ASL: variants seen among roughly 807,000 people sequenced by gnomAD.
The protein encoded by ASL is argininosuccinate lyase.
ASL carries 51 observed loss-of-function variants against 69.1 expected under a neutral mutation model. That is an observed-to-expected ratio of 0.74 (90% CI 0.59 to 0.93). ASL has a LOEUF of 0.93. ASL is among the 40% of genes least tolerant of loss of function. ASL has a pLI of 0.00. For missense variants in ASL, 540 were observed against 623.9 expected, an observed-to-expected ratio of 0.87 and a Z score of 1.43; for synonymous variants, 241 against 247.6, an observed-to-expected ratio of 0.97 and a Z score of 0.25.
At chr7:66,088,468 C>T (rs528456582) in intron 10 of ASL, among the ~76,000 whole-genome samples, 7 of 152,102 alleles carry the variant, frequency 4.6e-5, no homozygotes, top group Middle Eastern at 3.4e-3. Context: ...GCATTGGGAG[C>T]GAGACTCCAT....
chr7:66,084,930 A>G (rs1373764283), intron 6 of ASL, among the ~76,000 whole-genome samples: 1 of 151,910 alleles, frequency 6.6e-6, no homozygotes, highest in African/African-American at 2.4e-5. Flanking sequence ...CGAATTCTTT[A>G]AATTTTTTGT....
intron 14 of ASL, among the ~76,000 whole-genome samples, chr7:66,090,143 C>G (rs988678612): frequency 6.6e-6 from 1 of 152,078 alleles, no homozygotes; most frequent in Non-Finnish European, 1.5e-5. Flanking sequence ...GAGGCGGAGG[C>G]AGAAGAATAG....
rs778852443 is a variant in ASL at position 66,092,628 on chromosome 7, C to T, written c.1215C>T (p.Leu405=). 1 of 1,613,594 alleles carries T rather than the reference C, an allele frequency of 6.2e-7. No homozygotes were observed. ...VFMAETKGVA[L]NQLSLQELQT... Reference sequence around the variant, plus strand: ...TGGCCGAGACCAAGGGGGTCGCCCTCAACCAGCTGTCACTGCAGGAGCTGC... The same window carrying T: ...TGGCCGAGACCAAGGGGGTCGCCCTTAACCAGCTGTCACTGCAGGAGCTGC... Residue 405 remains leucine (L), a synonymous_variant, in exon 16 of 17, where the codon CTC becomes CTT. Transcript: ENST00000304874.
chr7:66,091,734 T>C, intron 14 of ASL: 2 of 474,672 alleles, frequency 4.2e-6, no homozygotes, highest in South Asian at 2.1e-5. Context: ...AGAAAACAAA[T>C]CCTCCAGGAA....
chr7:66,089,578 G>A lies in ASL; in HGVS notation c.979-34G>A, dbSNP rs192494428. The A allele has an allele frequency of 4.1e-4, 663 of 1,610,714 alleles. 3 individuals are homozygous for A. The African/African-American group carries it at 8.0e-3, about 19-fold the overall frequency. ...TGGGGACCCTGGGTGCCAGGGGGCT[G>A]CTAGGCCCTCACCTCCTGCCATGTG... On this transcript the variant is annotated intron_variant, in intron 13 of 16. Coordinates refer to ENST00000304874, the MANE Select transcript of ASL (RefSeq NM_000048.4).
Position 66,086,457 on chromosome 7 carries a change from C to T in ASL, c.447-128C>T. On this transcript the variant is annotated intron_variant, in intron 6 of 16. Transcript: ENST00000304874. ...ATTTGTCCCTGGGAGATCACCAGATCCCTCATTCAGGTGGAGTGCTGCAGC... is the reference window on the plus strand; with the variant it reads ...ATTTGTCCCTGGGAGATCACCAGATTCCTCATTCAGGTGGAGTGCTGCAGC... 4.2e-6 allele frequency: 4 copies of T among 962,996 alleles called. No homozygotes were observed. The South Asian group carries it at 5.4e-5, about 13-fold the overall frequency. 59.7% of individuals were successfully genotyped at this position (962,996 alleles called of 1,614,324 possible). A position where few individuals can be genotyped will look rare whatever the true frequency, so the allele number is the denominator to read the frequency against.
At position 66,092,173 on chromosome 7, in the gene ASL, C is replaced by T. The variant is rs1478313019; in HGVS notation, c.1143+87C>T. ...GAGCTCAGGAATGGGTGCAAGCGGC[C>T]CAGCCTGGTGGCTCACCCCTGTAAT... On this transcript the variant is annotated intron_variant, in intron 15 of 16. Coordinates refer to ENST00000304874, the MANE Select transcript of ASL (RefSeq NM_000048.4). The T allele has an allele frequency of 4.7e-6, 7 of 1,497,712 alleles. No homozygotes were observed. The East Asian group carries it at 1.4e-4, about 29-fold the overall frequency. The allele number at this position is 1,497,712 out of a possible 1,614,324, so 92.8% of individuals were successfully genotyped here.
intron 2 of ASL, among the ~76,000 whole-genome samples, chr7:66,080,421 T>G (rs1436890447): frequency 1.3e-5 from 2 of 150,384 alleles, no homozygotes; most frequent in Non-Finnish European, 3.0e-5. Context: ...TAAAAAAGAT[T>G]TTTTTAATGA....
At position 66,092,638 on chromosome 7, in the gene ASL, T is replaced by A; in HGVS notation, c.1225T>A (p.Ser409Thr). ...CAAGGGGGTCGCCCTCAACCAGCTG[T>A]CACTGCAGGAGCTGCAGACCATCAG... ...ETKGVALNQL[S>T]LQELQTISPL... The change falls in exon 16 of 17, where the codon TCA becomes ACA. Residue 409 changes from serine (S) to threonine (T), a missense_variant. Transcript: ENST00000304874. The A allele has an allele frequency of 6.2e-7, 1 of 1,613,606 alleles. No homozygotes were observed. Among genetic ancestry groups the A allele is most frequent in the Non-Finnish European group, 8.5e-7 (1 of 1,179,976 alleles).
intron 15 of ASL, 88 bp downstream of exon 15, chr7:66,092,174 C>T: frequency 3.4e-6 from 5 of 1,491,312 alleles, no homozygotes; most frequent in Non-Finnish European, 4.6e-6. Context: ...GCAAGCGGCC[C>T]AGCCTGGTGG....
In ASL at chr7:66,088,846, T is replaced by G. The variant is rs183018428; in HGVS notation, c.758T>G (p.Leu253Arg). ...TGGGCTTCGCTGTGCATGACCCATCTCAGCAGGATGGCCGAGGACCTCATC... is the reference window on the plus strand; with the variant it reads ...TGGGCTTCGCTGTGCATGACCCATCGCAGCAGGATGGCCGAGGACCTCATC... ...LFWASLCMTH[L>R]SRMAEDLILY... Residue 253 changes from leucine to arginine, a missense_variant, in exon 11 of 17, where the codon CTC becomes CGC. By Grantham distance (102) the Leu-to-Arg change is moderately radical. Coordinates refer to ENST00000304874, the MANE Select transcript of ASL (RefSeq NM_000048.4). 1.9e-6 allele frequency: 3 copies of G among 1,614,038 alleles called. No homozygotes were observed. The highest frequency in any genetic ancestry group is 2.5e-6 in the Non-Finnish European group (3 of 1,180,008).
chr7:66,078,635 A>G (rs1026044544), intron 2 of ASL, among the ~76,000 whole-genome samples: 6 of 151,736 alleles, frequency 4.0e-5, no homozygotes, highest in Admixed American at 2.0e-4. Flanking sequence ...TCTTATTATT[A>G]TTATTATTAT....
chr7:66,092,708 C>T (rs1367325134), intron 16 of ASL, 45 bp downstream of exon 16: 1 of 1,613,590 alleles, frequency 6.2e-7, no homozygotes, highest in Non-Finnish European at 8.5e-7. Flanking sequence ...GGAAGTGAGC[C>T]TGGGTGCCTG....
intron 2 of ASL, 51 bp downstream of exon 2, chr7:66,076,144 T>G (rs763023035): frequency 1.5e-5 from 23 of 1,570,680 alleles, no homozygotes; most frequent in Non-Finnish European, 1.8e-5. Flanking sequence ...AAGGAGAGAG[T>G]GGGGGCGCCA....
In ASL at chr7:66,092,779, C is replaced by T. The variant is rs148669165; in HGVS notation, c.1262C>T (p.Ser421Leu). The T allele has an allele frequency of 1.1e-5, 18 of 1,613,740 alleles. No individual in the cohort carries two copies. The highest frequency in any genetic ancestry group is 1.4e-5 in the Non-Finnish European group (16 of 1,179,988). Residue 421 changes from serine (S) to leucine (L), a missense_variant, in exon 17 of 17, where the codon TCG becomes TTG. Ser to Leu is a moderately radical substitution (Grantham distance 145). Coordinates refer to ENST00000304874, the MANE Select transcript of ASL (RefSeq NM_000048.4). ...QELQTISPLF[S>L]GDVICVWDYG... Reference sequence around the variant, plus strand: ...TCCTCTCTCCCCAGCCCCCTGTTCTCGGGCGACGTGATCTGCGTGTGGGAC... The same window carrying T: ...TCCTCTCTCCCCAGCCCCCTGTTCTTGGGCGACGTGATCTGCGTGTGGGAC...
intron 6 of ASL, among the ~76,000 whole-genome samples, chr7:66,084,044 G>A (rs2115707146): frequency 6.6e-6 from 1 of 152,332 alleles, no homozygotes; most frequent in Admixed American, 6.5e-5. Context: ...CAGACTTGGG[G>A]GAAAACAAGG....
At chr7:66,083,808 C>T (rs1442297816) in intron 6 of ASL, among the ~76,000 whole-genome samples, 1 of 152,152 alleles carries the variant, frequency 6.6e-6, no homozygotes, top group African/African-American at 2.4e-5. Context: ...ACTGCCTGTC[C>T]CCCAGATCCC....
rs398123129 is a variant in ASL, at chr7:66,089,333, C to A, written c.976C>A (p.Gln326Lys). 4.4e-6 allele frequency: 7 copies of A among 1,604,242 alleles called. No individual in the cohort carries two copies. The highest frequency in any genetic ancestry group is 6.0e-6 in the Non-Finnish European group (7 of 1,175,248). ...GLPSTYNKDL[Q>K]EDKEAVFEVS... ...TCCCAGCACCTACAACAAAGACTTA[C>A]AGGTGCGAGGCCGGGGGAGGCCTGG... The change falls in exon 13 of 17, where the codon CAG becomes AAG. Residue 326 changes from glutamine to lysine, a missense_variant and splice_region_variant. By Grantham distance (53) the Gln-to-Lys change is moderately conservative (BLOSUM62 1). Transcript: ENST00000304874.
chr7:66,076,219 A>C, intron 2 of ASL, 126 bp downstream of exon 2: 1 of 1,265,144 alleles, frequency 7.9e-7, no homozygotes, highest in Non-Finnish European at 1.1e-6. Context: ...ATTACCTAGG[A>C]AGCCTGCACC....
Sources: allele counts gnomAD v4.1 joint callset (sites outside exome capture counted in the v4.1 genomes callset), GRCh38; gene constraint gnomAD v4.1.1; transcripts MANE v1.5; gene names NCBI Gene and HGNC (gene_info 2026-07-23, HGNC 2026-07-21).